ACSF3: variants seen among roughly 807,000 people sequenced by gnomAD.
ACSF3 encodes acyl-CoA synthetase family member 3.
Under a neutral mutation model 53.2 loss-of-function variants are expected in ACSF3, and 78 were observed. That is an observed-to-expected ratio of 1.47 (90% CI 1.22 to 1.77). The LOEUF (loss-of-function observed/expected upper bound fraction) is 1.77. Among genes scored for constraint, ACSF3 ranks in the 40% most tolerant of loss-of-function variants. The pLI is 0.00. For missense variants in ACSF3, 937 were observed against 771.1 expected (o/e 1.22, Z -2.55); for synonymous variants, 414 against 333.1 (o/e 1.24, Z -2.65).
chr16:89,124,273 T>C (rs1907434157), intron 7 of ACSF3, among the ~76,000 whole-genome samples: 1 of 152,162 alleles, frequency 6.6e-6, no homozygotes. Flanking sequence ...TCCCTGACGA[T>C]GTCATAGGAC....
intron 8 of ACSF3, among the ~76,000 whole-genome samples, chr16:89,135,719 C>T (rs1351626375): frequency 6.6e-6 from 1 of 152,256 alleles, no homozygotes; most frequent in Non-Finnish European, 1.5e-5. Flanking sequence ...AGCATCCCTC[C>T]AGTGCCCTCT....
chr16:89,126,816 G>A (rs1036785325), intron 7 of ACSF3, among the ~76,000 whole-genome samples: 1 of 152,172 alleles, frequency 6.6e-6, no homozygotes, highest in African/African-American at 2.4e-5. Context: ...CTTCCAATAC[G>A]ATACTGAACA....
At chr16:89,094,415 C>T (rs546297153) in intron 1 of ACSF3, among the ~76,000 whole-genome samples, 114 of 152,332 alleles carry the variant, frequency 7.5e-4, no homozygotes, top group African/African-American at 2.6e-3. Flanking sequence ...GCGCGTGGGG[C>T]ACAGGTTCAC....
Position 89,120,846 on chromosome 16 carries a change from C to G in ACSF3, c.1172C>G (p.Ser391Ter). The part of the protein sequence containing the change: ...PLPGVQVRIV[S>*]ENPQREACSY... ...CCTGGAGTACAGGTGCGCATTGTCT[C>G]AGAAAACCCACAGAGGGAAGCCTGC... The change falls in exon 7 of 11, where the codon TCA becomes TGA. Residue 391 changes from serine to a stop codon, truncating the protein, a stop_gained. Transcript: ENST00000614302. LOFTEE classifies it high-confidence loss of function. The G allele has an allele frequency of 1.2e-6, 2 of 1,614,142 alleles. No individual in the cohort carries two copies. The highest frequency in any genetic ancestry group is 1.7e-6 in the Non-Finnish European group (2 of 1,180,014).
At chr16:89,097,837 G>A (rs1974802861) in intron 1 of ACSF3, among the ~76,000 whole-genome samples, 1 of 152,212 alleles carries the variant, frequency 6.6e-6, no homozygotes, top group Non-Finnish European at 1.5e-5. Context: ...CTGACCGTTT[G>A]GTAGGATTCA....
chr16:89,103,873 C>T lies in ACSF3; in HGVS notation c.822+1114C>T, dbSNP rs538824967. 3.1e-4 allele frequency among the ~76,000 whole-genome samples: 47 copies of T among 152,342 alleles called. No homozygotes were observed. In the Middle Eastern group the frequency reaches 0.024, roughly 77 times the overall value. On this transcript the variant is annotated intron_variant, in intron 4 of 10. Coordinates refer to ENST00000614302, the MANE Select transcript of ACSF3 (RefSeq NM_001243279.3). ...AGAGCGCTGGGGTGGGAGCAGTCAT[C>T]GCCGAGCTGCTGCGCGCAGCCTTGC...
At chr16:89,150,965 G>C in intron 10 of ACSF3, 1 of 1,280,624 alleles carries the variant, frequency 7.8e-7, no homozygotes, top group Non-Finnish European at 1.0e-6. Flanking sequence ...GTTCCAACAA[G>C]AAGATATCCA....
At chr16:89,124,121 TGGGTATCACACACATGCAG>T (rs1907393255) in intron 7 of ACSF3, among the ~76,000 whole-genome samples, 1 of 26,764 alleles carries the variant, frequency 3.7e-5, no homozygotes, top group Non-Finnish European at 9.0e-5. Context: ...AGTGTGCGCA[TGGGTATCACACACATGCAG>T]TGTCCACACA....
intron 8 of ACSF3, among the ~76,000 whole-genome samples, chr16:89,134,024 C>T (rs1909893464): frequency 6.6e-6 from 1 of 152,222 alleles, no homozygotes; most frequent in African/African-American, 2.4e-5. Flanking sequence ...CACATCCCGC[C>T]CCATGGGGCG....
rs952400768 is a variant in ACSF3, at chr16:89,155,865, C to T, written c.*1658C>T. ...CGATAGTATACATCAGTATATCATG[C>T]TTTCGAAATAATGAGTGTAACTTTC... is the stretch of plus-strand genomic sequence containing the variant. On this transcript the variant is annotated 3_prime_UTR_variant, in exon 11 of 11. Transcript: ENST00000614302. 2.4e-6 allele frequency: 1 copy of T among 424,372 alleles called. No homozygotes were observed. Among genetic ancestry groups the T allele is most frequent in the Admixed American group, 2.7e-5 (1 of 37,714 alleles). 26.3% of individuals were successfully genotyped at this position (424,372 alleles called of 1,614,324 possible).
In ACSF3 at chr16:89,102,769, G is replaced by C. The variant is rs771232327; in HGVS notation, c.822+10G>C. ...GTTCAGCCCTCAGCAGGTGAGTTGGGGTCAGGGCTCTCGGTTGCACCCTCA... is the reference window on the plus strand; with the variant it reads ...GTTCAGCCCTCAGCAGGTGAGTTGGCGTCAGGGCTCTCGGTTGCACCCTCA... On this transcript the variant is annotated intron_variant, in intron 4 of 10. Transcript: ENST00000614302. 6.2e-7 allele frequency: 1 copy of C among 1,603,510 alleles called. No individual in the cohort carries two copies.
Position 89,093,867 on chromosome 16 carries a change from TG to T in ACSF3, c.-321del, listed in dbSNP as rs1407444181. 3.5e-6 allele frequency: 1 copy of T among 285,896 alleles called. No individual in the cohort carries two copies. The highest frequency in any genetic ancestry group is 3.5e-5 in the Admixed American group (1 of 28,780). 17.7% of individuals were successfully genotyped at this position (285,896 alleles called of 1,614,324 possible). On this transcript the variant is annotated 5_prime_UTR_variant, in exon 1 of 11. Coordinates refer to ENST00000614302, the MANE Select transcript of ACSF3 (RefSeq NM_001243279.3). ...CGGGGAAGCTGTTGGGCGCCGGAAC[TG>T]GTCCGGCCCGACTCACGACCCCGCG...
chr16:89,155,109 C>T lies in ACSF3; in HGVS notation c.*902C>T, dbSNP rs576040339. On this transcript the variant is annotated 3_prime_UTR_variant, in exon 11 of 11. Coordinates refer to ENST00000614302, the MANE Select transcript of ACSF3 (RefSeq NM_001243279.3). Reference sequence around the variant, plus strand: ...GGTGTGTTGTGAATGTTGGGTGCACCCACGTTGCATTTACTTAGCGGGGCC... The same window carrying T: ...GGTGTGTTGTGAATGTTGGGTGCACTCACGTTGCATTTACTTAGCGGGGCC... The T allele has an allele frequency of 5.0e-4, 229 of 454,140 alleles. No homozygotes were observed. The highest frequency in any genetic ancestry group is 7.8e-4 in the Non-Finnish European group (176 of 226,790). The allele number at this position is 454,140 out of a possible 1,614,324, so 28.1% of individuals were successfully genotyped here.
chr16:89,110,085 A>C (rs552275009), intron 4 of ACSF3, among the ~76,000 whole-genome samples: 1 of 152,242 alleles, frequency 6.6e-6, no homozygotes, highest in South Asian at 2.1e-4. Flanking sequence ...TTATTTTCTT[A>C]ATGTGTCTTT....
Position 89,133,192 on chromosome 16 carries a change from G to C in ACSF3, c.1296G>C (p.Val432=). The change falls in exon 8 of 11, where the codon GTG becomes GTC. Residue 432 remains valine, a synonymous_variant. Transcript: ENST00000614302. ...AGCTGCTGGTGAGGGGACCCTCCGT[G>C]TTTCGAGAATACTGGAATAAACCAG... ...EGELLVRGPS[V]FREYWNKPEE... 6.2e-7 allele frequency: 1 copy of C among 1,614,138 alleles called. No individual in the cohort carries two copies. The highest frequency in any genetic ancestry group is 8.5e-7 in the Non-Finnish European group (1 of 1,180,040).
intron 8 of ACSF3, among the ~76,000 whole-genome samples, chr16:89,143,783 C>T (rs980345059): frequency 1.3e-5 from 2 of 152,166 alleles, no homozygotes; most frequent in Non-Finnish European, 2.9e-5. Context: ...TCCAGAGTTC[C>T]AGAGCTCCAT....
intron 8 of ACSF3, among the ~76,000 whole-genome samples, chr16:89,139,096 C>G (rs1438095041): frequency 6.6e-6 from 1 of 152,214 alleles, no homozygotes; most frequent in African/African-American, 2.4e-5. Flanking sequence ...CCGGCTCAGT[C>G]CCGTATGGCA....
rs1021167046 is a variant in ACSF3 at position 89,154,613 on chromosome 16, G to A, written c.*406G>A. 28 of 455,424 alleles carry A rather than the reference G, an allele frequency of 6.1e-5. No individual in the cohort carries two copies. The highest frequency in any genetic ancestry group is 1.1e-4 in the Non-Finnish European group (24 of 227,888). 28.2% of individuals were successfully genotyped at this position (455,424 alleles called of 1,614,324 possible). A position where few individuals can be genotyped will look rare whatever the true frequency, so the allele number is the denominator to read the frequency against. On this transcript the variant is annotated 3_prime_UTR_variant, in exon 11 of 11. Coordinates refer to ENST00000614302, the MANE Select transcript of ACSF3 (RefSeq NM_001243279.3). Reference sequence around the variant, plus strand: ...AGCCCCTGTCCCACGCCGTCTGCACGTGCCTGTGCCTCACCCAGAGCCAGT... The same window carrying A: ...AGCCCCTGTCCCACGCCGTCTGCACATGCCTGTGCCTCACCCAGAGCCAGT...
chr16:89,124,680 A>G (rs1269916001), intron 7 of ACSF3, among the ~76,000 whole-genome samples: 1 of 12,150 alleles, frequency 8.2e-5, no homozygotes, highest in Non-Finnish European at 2.7e-4. Context: ...CGTGTGTCAC[A>G]TATGCACACA....
Sources: gnomAD v4.1 joint callset for allele counts (sites outside exome capture counted in the v4.1 genomes callset) on GRCh38, gnomAD v4.1.1 for gene constraint, MANE v1.5 for transcripts, NCBI Gene and HGNC (gene_info 2026-07-23, HGNC 2026-07-21) for gene names.